The following SLC24A2 variants were observed in gnomAD, a reference collection of about 807,000 sequenced individuals.
SLC24A2 encodes the protein sodium/potassium/calcium exchanger 2.
Under a neutral mutation model 62.0 loss-of-function variants are expected in SLC24A2, and 36 were observed. That is an observed-to-expected ratio of 0.58 (90% CI 0.44 to 0.77). The LOEUF is 0.77. SLC24A2 is among the 30% of genes least tolerant of loss of function. The pLI, the probability that SLC24A2 is intolerant of heterozygous loss-of-function variation, is 0.00. For missense variants in SLC24A2, 846 were observed against 817.9 expected (o/e 1.03, Z -0.42); for synonymous variants, 358 against 294.0 (o/e 1.22, Z -2.23).
the SLC24A2 span, among the ~76,000 whole-genome samples, chr9:20,041,536 C>T: frequency 6.6e-6 from 1 of 152,170 alleles, no homozygotes. Context: ...GGTTTTGTTT[C>T]CAAAGAACAA....
At chr9:20,231,515 T>C in the SLC24A2 span, among the ~76,000 whole-genome samples, 1 of 152,224 alleles carries the variant, frequency 6.6e-6, no homozygotes, top group Non-Finnish European at 1.5e-5. Context: ...GGGAGTTTAC[T>C]CATGATTTGG....
chr9:19,662,934 T>C (rs1468855829), intron 2 of SLC24A2, among the ~76,000 whole-genome samples: 4 of 152,230 alleles, frequency 2.6e-5, no homozygotes, highest in Non-Finnish European at 5.9e-5. Flanking sequence ...AGATCACTAA[T>C]ACCAAATACT....
At chr9:20,253,756 G>A in the SLC24A2 span, among the ~76,000 whole-genome samples, 1 of 152,112 alleles carries the variant, frequency 6.6e-6, no homozygotes, top group Non-Finnish European at 1.5e-5. Flanking sequence ...TTTTCTTTCA[G>A]TCATGCAACC....
the SLC24A2 span, among the ~76,000 whole-genome samples, chr9:20,258,153 G>A: frequency 2.0e-5 from 3 of 152,216 alleles, no homozygotes; most frequent in Non-Finnish European, 2.9e-5. Context: ...ACGGTGATAT[G>A]TTACATCACA....
chr9:20,250,604 C>G, the SLC24A2 span, among the ~76,000 whole-genome samples: 1 of 152,134 alleles, frequency 6.6e-6, no homozygotes, highest in African/African-American at 2.4e-5. Flanking sequence ...AATGTCAGTA[C>G]CCATGCACGC....
At chr9:19,653,705 A>T (rs995123882) in intron 2 of SLC24A2, among the ~76,000 whole-genome samples, 1 of 152,138 alleles carries the variant, frequency 6.6e-6, no homozygotes, top group South Asian at 2.1e-4. Context: ...TCATCTTTGT[A>T]TACTTGGGCC....
chr9:19,764,016 C>T (rs552660489), intron 2 of SLC24A2, among the ~76,000 whole-genome samples: 42 of 152,174 alleles, frequency 2.8e-4, no homozygotes, highest in African/African-American at 7.5e-4. Context: ...CTCAGGGATT[C>T]GACTTCTTCC....
chr9:19,851,027 AT>A, the SLC24A2 span, among the ~76,000 whole-genome samples: 523 of 55,202 alleles, frequency 9.5e-3, 42 homozygotes, highest in African/African-American at 0.027. Context: ...ATATATACAT[AT>A]TTTTTTTTTT....
the SLC24A2 span, among the ~76,000 whole-genome samples, chr9:20,276,080 T>C: frequency 6.6e-6 from 1 of 152,024 alleles, no homozygotes; most frequent in African/African-American, 2.4e-5. Flanking sequence ...AAATATCATG[T>C]CCTCACATTT....
chr9:19,969,355 A>C, the SLC24A2 span, among the ~76,000 whole-genome samples: 2 of 152,272 alleles, frequency 1.3e-5, no homozygotes, highest in South Asian at 4.2e-4. Flanking sequence ...CTCAAGATCA[A>C]AGTTAAATGA....
the SLC24A2 span, among the ~76,000 whole-genome samples, chr9:20,204,117 CA>C: frequency 1.3e-5 from 2 of 151,986 alleles, no homozygotes; most frequent in African/African-American, 4.8e-5. Context: ...TCCTAAAAGC[CA>C]AAAATTATTG....
intron 10 of SLC24A2, among the ~76,000 whole-genome samples, chr9:19,520,662 A>G (rs1379454766): frequency 6.6e-6 from 1 of 151,954 alleles, no homozygotes. Flanking sequence ...CCCATTCTGT[A>G]TGTAGGTATG....
At chr9:20,092,376 G>C in the SLC24A2 span, among the ~76,000 whole-genome samples, 1 of 152,180 alleles carries the variant, frequency 6.6e-6, no homozygotes, top group Non-Finnish European at 1.5e-5. Context: ...TTGAAGCCCA[G>C]GGTGGCTTTG....
intron 2 of SLC24A2, among the ~76,000 whole-genome samples, chr9:19,779,603 G>A (rs972380038): frequency 6.6e-6 from 1 of 152,162 alleles, no homozygotes; most frequent in African/African-American, 2.4e-5. Flanking sequence ...ATCAGGAATA[G>A]AGGGAAAAAA....
At chr9:19,832,873 T>G in the SLC24A2 span, among the ~76,000 whole-genome samples, 1 of 151,972 alleles carries the variant, frequency 6.6e-6, no homozygotes, top group South Asian at 2.1e-4. Flanking sequence ...GAATCTACAA[T>G]GAACTCAAAC....
In SLC24A2 at chr9:19,786,254, T is replaced by C. The variant is rs772666006; in HGVS notation, c.613A>G (p.Ile205Val). The C allele has an allele frequency of 1.9e-6, 3 of 1,614,164 alleles. No homozygotes were observed. Among genetic ancestry groups the C allele is most frequent in the South Asian group, 1.1e-5 (1 of 91,084 alleles). Residue 205 changes from isoleucine to valine, a missense_variant, in exon 2 of 11, where the codon ATA becomes GTA. By Grantham distance (29) the Ile-to-Val change is conservative (BLOSUM62 3). Coordinates refer to ENST00000341998, the MANE Select transcript of SLC24A2 (RefSeq NM_020344.4). The surrounding 1 kb of genome is among the most constrained non-coding windows in gnomAD (Gnocchi z 5.0). ...GVFIAHSNVG[I>V]GTIVGSAVFN... ...ACTGCTGAACCTACAATTGTGCCTATGCCAACGTTGCTGTGAGCGATAAAT... is the reference window on the plus strand; with the variant it reads ...ACTGCTGAACCTACAATTGTGCCTACGCCAACGTTGCTGTGAGCGATAAAT...
intron 2 of SLC24A2, among the ~76,000 whole-genome samples, chr9:19,774,324 C>A (rs1180629729): frequency 6.6e-6 from 1 of 151,952 alleles, no homozygotes; most frequent in Non-Finnish European, 1.5e-5. Context: ...AAACACAAGC[C>A]CAGAGAGGTT....
chr9:19,552,740 G>C (rs1834905717), intron 7 of SLC24A2, among the ~76,000 whole-genome samples: 1 of 152,192 alleles, frequency 6.6e-6, no homozygotes, highest in Admixed American at 6.5e-5. Context: ...GACACCAACA[G>C]ATGGTGACAT....
At chr9:19,789,459 G>T (rs1407838611), upstream of SLC24A2, among the ~76,000 whole-genome samples, 1 of 152,240 alleles carries the variant, frequency 6.6e-6, no homozygotes, top group Non-Finnish European at 1.5e-5. Flanking sequence ...AGGCCTGCAG[G>T]ACAGGCTGTT....
Sources: allele counts gnomAD v4.1 joint callset (sites outside exome capture counted in the v4.1 genomes callset), GRCh38; gene constraint gnomAD v4.1.1; non-coding constraint Gnocchi (gnomAD v3.1); transcripts MANE v1.5; gene names NCBI Gene and HGNC (gene_info 2026-07-23, HGNC 2026-07-21).